RNF220: variants seen among roughly 807,000 people sequenced by gnomAD.
RNF220 encodes the protein ring finger protein 220.
A neutral mutation model predicts 67.1 loss-of-function variants in RNF220; 7 were observed. The observed-to-expected ratio is 0.10, with a 90% CI of 0.06 to 0.20. RNF220 has a LOEUF of 0.20. Ranked by LOEUF, RNF220 falls within the 10% of genes least tolerant of loss-of-function variation. RNF220 has a pLI of 1.00. For missense variants in RNF220, 565 were observed against 740.3 expected (o/e 0.76, Z 2.75); for synonymous variants, 270 against 283.2 (o/e 0.95, Z 0.47).
At chr1:44,610,192 ACACT>A (rs1643219931) in intron 2 of RNF220, among the ~76,000 whole-genome samples, 3 of 152,238 alleles carry the variant, frequency 2.0e-5, no homozygotes, top group Admixed American at 1.3e-4. Context: ...ACGCACTCAC[ACACT>A]CAATCAGGCG....
intron 2 of RNF220, among the ~76,000 whole-genome samples, chr1:44,587,297 G>A (rs150333255): frequency 0.025 from 3,847 of 151,932 alleles, 157 homozygotes; most frequent in African/African-American, 0.088. Flanking sequence ...ACAGGCACCC[G>A]CCACCACGCC....
chr1:44,498,166 A>G (rs1262572601), intron 2 of RNF220, among the ~76,000 whole-genome samples: 2 of 152,190 alleles, frequency 1.3e-5, no homozygotes, highest in Non-Finnish European at 2.9e-5. Flanking sequence ...TCTTTCATTT[A>G]TAGATTCATC....
At position 44,542,019 on chromosome 1, in the gene RNF220, A is replaced by G. The variant is rs1254370332; in HGVS notation, c.626-72146A>G. Among the ~76,000 whole-genome samples the G allele has an allele frequency of 2.0e-5, 3 of 152,124 alleles. No homozygotes were observed. In the East Asian group the frequency reaches 5.8e-4, roughly 29 times the overall value. ...GCAGAGCCTGGGCTTGACCTAACTA[A>G]GCCTTTGGGGTCCTTTTCTGCCTGG... On this transcript the variant is annotated intron_variant, in intron 2 of 14. Transcript: ENST00000361799.
At chr1:44,538,267 C>T (rs1197746111) in intron 2 of RNF220, among the ~76,000 whole-genome samples, 2 of 152,182 alleles carry the variant, frequency 1.3e-5, no homozygotes, top group East Asian at 1.9e-4. Flanking sequence ...ACTTACCTTT[C>T]TCCAGTATTT....
chr1:44,467,430 C>T (rs1654373624), intron 2 of RNF220, among the ~76,000 whole-genome samples: 1 of 152,226 alleles, frequency 6.6e-6, no homozygotes, highest in South Asian at 2.1e-4. Flanking sequence ...AGGCTGGTCT[C>T]GAACTCCCAG....
At position 44,621,017 on chromosome 1, in the gene RNF220, G is replaced by A. The variant is rs955267392; in HGVS notation, c.759-1725G>A. On this transcript the variant is annotated intron_variant, in intron 3 of 14. Coordinates refer to ENST00000361799, the MANE Select transcript of RNF220 (RefSeq NM_018150.4). This position sits in a 1 kb window ranked among gnomAD's most constrained non-coding sequence, Gnocchi z 4.8. ...TCCAACTTCTCCCTCCTGGATTCAA[G>A]CGATTCTCCTGCCTCAGCCTCCCGA... 1.3e-5 allele frequency among the ~76,000 whole-genome samples: 2 copies of A among 150,790 alleles called. No individual in the cohort carries two copies. Among genetic ancestry groups the A allele is most frequent in the African/African-American group, 4.9e-5 (2 of 40,828 alleles).
intron 12 of RNF220, among the ~76,000 whole-genome samples, chr1:44,647,410 G>T (rs1388322136): frequency 1.3e-5 from 2 of 152,188 alleles, no homozygotes; most frequent in Non-Finnish European, 2.9e-5. Context: ...GCCAGGGAAG[G>T]AGCCTGCTGT....
At chr1:44,635,800 C>T (rs1644311455) in intron 7 of RNF220, 1 of 1,327,534 alleles carries the variant, frequency 7.5e-7, no homozygotes, top group Non-Finnish European at 1.0e-6. Flanking sequence ...GACCACTGCT[C>T]TCTCCTTTTG....
chr1:44,559,602 G>GC (rs1218095442), intron 2 of RNF220, among the ~76,000 whole-genome samples: 3 of 152,236 alleles, frequency 2.0e-5, no homozygotes, highest in Non-Finnish European at 4.4e-5. Flanking sequence ...CTTCGGTCTA[G>GC]CCCCGGGAGG....
chr1:44,479,309 G>C (rs905085907), intron 2 of RNF220, among the ~76,000 whole-genome samples: 1 of 151,904 alleles, frequency 6.6e-6, no homozygotes. Flanking sequence ...GTAGAGACAG[G>C]GTTTCACCGT....
At chr1:44,449,909 T>C (rs1300008998) in intron 2 of RNF220, among the ~76,000 whole-genome samples, 1 of 152,142 alleles carries the variant, frequency 6.6e-6, no homozygotes, top group Non-Finnish European at 1.5e-5. Context: ...AGAAAGTATG[T>C]TTAAAAAAGA....
intron 2 of RNF220, among the ~76,000 whole-genome samples, chr1:44,474,742 ATAAAT>A (rs1424779646): frequency 6.6e-6 from 1 of 152,024 alleles, no homozygotes; most frequent in African/African-American, 2.4e-5. Context: ...CAATACAAAA[ATAAAT>A]ATAAATATAA....
At chr1:44,478,336 T>G (rs1055065372) in intron 2 of RNF220, among the ~76,000 whole-genome samples, 2 of 152,084 alleles carry the variant, frequency 1.3e-5, no homozygotes, top group African/African-American at 4.8e-5. Context: ...TGGTTTCTCT[T>G]GATCTGAAGA....
At chr1:44,487,232 G>A (rs908641845) in intron 2 of RNF220, among the ~76,000 whole-genome samples, 4 of 152,006 alleles carry the variant, frequency 2.6e-5, no homozygotes, top group African/African-American at 9.7e-5. Context: ...CTACTTGAGG[G>A]GCTGAAGCAG....
At chr1:44,462,225 G>A (rs555281490) in intron 2 of RNF220, among the ~76,000 whole-genome samples, 36 of 151,578 alleles carry the variant, frequency 2.4e-4, no homozygotes, top group Admixed American at 7.2e-4. Flanking sequence ...GAGCCACCAC[G>A]CCTGGACATA....
At chr1:44,605,618 A>G (rs535233397) in intron 2 of RNF220, among the ~76,000 whole-genome samples, 2 of 152,224 alleles carry the variant, frequency 1.3e-5, no homozygotes, top group Non-Finnish European at 2.9e-5. Context: ...ATAACAGGCA[A>G]TAATGACACT....
At chr1:44,469,844 A>G (rs190276978) in intron 2 of RNF220, among the ~76,000 whole-genome samples, 31 of 152,348 alleles carry the variant, frequency 2.0e-4, no homozygotes, top group African/African-American at 7.2e-4. Context: ...CAGGAGGGAT[A>G]GTGACAAGCA....
chr1:44,622,771 C>T lies in RNF220; in HGVS notation c.788C>T (p.Ala263Val), dbSNP rs1643852233. Reference sequence around the variant, plus strand: ...AATTCCCTTCTGAAGGATGCCATGGCTCCAGGCACCCCAAAGGTAGGTGGC... The same window carrying T: ...AATTCCCTTCTGAAGGATGCCATGGTTCCAGGCACCCCAAAGGTAGGTGGC... The part of the protein sequence containing the change: ...SKNSLLKDAM[A>V]PGTPKSLLLS... Residue 263 changes from alanine to valine, a missense_variant, in exon 4 of 15, where the codon GCT becomes GTT. Coordinates refer to ENST00000361799, the MANE Select transcript of RNF220 (RefSeq NM_018150.4). The surrounding 1 kb of genome is among the most constrained non-coding windows in gnomAD (Gnocchi z 4.3). The T allele has an allele frequency of 5.6e-6, 9 of 1,613,880 alleles. No homozygotes were observed. Among genetic ancestry groups the T allele is most frequent in the Non-Finnish European group, 6.8e-6 (8 of 1,179,912 alleles).
chr1:44,520,391 G>A (rs1004515877), intron 2 of RNF220, among the ~76,000 whole-genome samples: 4 of 152,130 alleles, frequency 2.6e-5, no homozygotes, highest in Non-Finnish European at 1.5e-5. Context: ...GCATGAACAG[G>A]GGACATGGAG....
Sources: allele counts gnomAD v4.1 joint callset (sites outside exome capture counted in the v4.1 genomes callset), GRCh38; gene constraint gnomAD v4.1.1; non-coding constraint Gnocchi (gnomAD v3.1); transcripts MANE v1.5; gene names NCBI Gene and HGNC (gene_info 2026-07-23, HGNC 2026-07-21).